TNFRSF8: variants seen among roughly 807,000 people sequenced by gnomAD.
TNFRSF8 encodes TNF receptor superfamily member 8.
TNFRSF8 carries 26 observed loss-of-function variants against 70.8 expected under a neutral mutation model. The observed-to-expected ratio is 0.37, with a 90% CI of 0.27 to 0.51. The LOEUF (loss-of-function observed/expected upper bound fraction) is 0.51. Among genes scored for constraint, TNFRSF8 ranks in the 20% least tolerant of loss-of-function variants. The probability of loss-of-function intolerance (pLI) is 0.94; values close to 1 mark genes in which losing one functional copy is unlikely to be tolerated. For missense variants in TNFRSF8, 720 were observed against 807.9 expected, an observed-to-expected ratio of 0.89 and a Z score of 1.32; for synonymous variants, 356 against 339.2, an observed-to-expected ratio of 1.05 and a Z score of -0.54.
rs985722560 is a variant in TNFRSF8 at position 12,141,327 on chromosome 1, T to C, written c.1544-960T>C. ...CCAGCCCACCCTGAGCCAGACACCA[T>C]CAGCTGGGCGGAGGCCAGGCTTCCC... On this transcript the variant is annotated intron_variant, in intron 14 of 14. Coordinates refer to ENST00000263932, the MANE Select transcript of TNFRSF8 (RefSeq NM_001243.5). The surrounding 1 kb of genome is among the most constrained non-coding windows in gnomAD (Gnocchi z 5.4). Among the ~76,000 whole-genome samples, 1 of 150,456 alleles carries C rather than the reference T, an allele frequency of 6.6e-6. No individual in the cohort carries two copies. Among genetic ancestry groups the C allele is most frequent in the African/African-American group, 2.4e-5 (1 of 40,972 alleles).
intron 1 of TNFRSF8, among the ~76,000 whole-genome samples, chr1:12,081,311 A>G (rs1224634612): frequency 6.6e-6 from 1 of 152,080 alleles, no homozygotes; most frequent in Admixed American, 6.5e-5. Context: ...GAGACCAAGG[A>G]CAAGGACCCA....
At chr1:12,137,314 AAATAAT>A (rs199924980) in intron 13 of TNFRSF8, among the ~76,000 whole-genome samples, 4 of 99,962 alleles carry the variant, frequency 4.0e-5, no homozygotes, top group African/African-American at 7.4e-5. Flanking sequence ...AAAAAGTAAA[AAATAAT>A]AATAATAATA....
At chr1:12,124,986 G>GTTT (rs1358219241) in intron 10 of TNFRSF8, among the ~76,000 whole-genome samples, 1 of 152,152 alleles carries the variant, frequency 6.6e-6, no homozygotes, top group Non-Finnish European at 1.5e-5. Context: ...TCCGGCCAGA[G>GTTT]TTTCTGAAAG....
intron 7 of TNFRSF8, among the ~76,000 whole-genome samples, chr1:12,115,369 A>C (rs1557595846): frequency 6.6e-6 from 1 of 152,200 alleles, no homozygotes; most frequent in South Asian, 2.1e-4. Context: ...GACATACAGA[A>C]TACCCTCGCT....
At chr1:12,129,224 T>C (rs1642001599) in intron 12 of TNFRSF8, among the ~76,000 whole-genome samples, 1 of 152,220 alleles carries the variant, frequency 6.6e-6, no homozygotes, top group Non-Finnish European at 1.5e-5. Flanking sequence ...TCTTTTTTTG[T>C]TTTGAAACAG....
chr1:12,131,892 C>A (rs1424080345), intron 12 of TNFRSF8, among the ~76,000 whole-genome samples: 1 of 151,938 alleles, frequency 6.6e-6, no homozygotes, highest in Non-Finnish European at 1.5e-5. Context: ...TTCCCGGGTT[C>A]CAGCAATTCT....
intron 1 of TNFRSF8, among the ~76,000 whole-genome samples, chr1:12,081,127 C>G (rs1456518922): frequency 6.6e-6 from 1 of 152,176 alleles, no homozygotes; most frequent in African/African-American, 2.4e-5. Flanking sequence ...ATGGGCTCCC[C>G]ATTCTCTGCA....
At chr1:12,065,266 A>G (rs1640718667) in intron 1 of TNFRSF8, among the ~76,000 whole-genome samples, 1 of 151,916 alleles carries the variant, frequency 6.6e-6, no homozygotes, top group Non-Finnish European at 1.5e-5. Flanking sequence ...TATTTTTAGT[A>G]AAGATGAGGT....
intron 10 of TNFRSF8, among the ~76,000 whole-genome samples, chr1:12,124,870 AAACAAAAC>A (rs1413406401): frequency 2.0e-5 from 3 of 146,918 alleles, no homozygotes; most frequent in Non-Finnish European, 4.5e-5. Flanking sequence ...AAACAAAACA[AAACAAAAC>A]AAACAAAACC....
In TNFRSF8 at chr1:12,142,486, G is replaced by A. The variant is rs1278974081; in HGVS notation, c.1743G>A (p.Glu581=). The A allele has an allele frequency of 1.9e-6, 3 of 1,599,296 alleles. No homozygotes were observed. The highest frequency in any genetic ancestry group is 1.7e-5 in the Admixed American group (1 of 57,584). ...GCGATGTCATGCTCTCAGTGGAAGA[G>A]GAAGGGAAAGAAGACCCCTTGCCCA... The part of the protein sequence containing the change: ...SCSDVMLSVE[E]EGKEDPLPTA... Residue 581 remains glutamate, a synonymous_variant, in exon 15 of 15, where the codon GAG becomes GAA. Coordinates refer to ENST00000263932, the MANE Select transcript of TNFRSF8 (RefSeq NM_001243.5). The surrounding 1 kb of genome is among the most constrained non-coding windows in gnomAD (Gnocchi z 5.0).
Position 12,111,931 on chromosome 1 carries a change from C to T in TNFRSF8, c.710C>T (p.Ser237Phe). The change falls in exon 7 of 15, where the codon TCT becomes TTT. Residue 237 changes from serine to phenylalanine, a missense_variant. By Grantham distance (155) the Ser-to-Phe change is radical. Transcript: ENST00000263932. ...LSPTQPCPEGSGDCRKQCEPD... is the reference protein window; with the variant it reads ...LSPTQPCPEGFGDCRKQCEPD... ...CCAACACAGCCATGCCCAGAGGGGT[C>T]TGGTGATTGCAGAAAGCAGTGTGAG... 2 of 1,614,212 alleles carry T rather than the reference C, an allele frequency of 1.2e-6. No individual in the cohort carries two copies. The highest frequency in any genetic ancestry group is 2.2e-5 in the South Asian group (2 of 91,082).
rs890986858 is a variant in TNFRSF8 at position 12,063,958 on chromosome 1, G to T, written c.63+297G>T. Among the ~76,000 whole-genome samples, 3 of 152,220 alleles carry T rather than the reference G, an allele frequency of 2.0e-5. No homozygotes were observed. The highest frequency in any genetic ancestry group is 7.2e-5 in the African/African-American group (3 of 41,474). Reference sequence around the variant, plus strand: ...ATACGCGGGAGGCGCTCTTTAGCCCGCCTACCTGCGGGCCCGTCGGGGTCC... The same window carrying T: ...ATACGCGGGAGGCGCTCTTTAGCCCTCCTACCTGCGGGCCCGTCGGGGTCC... On this transcript the variant is annotated intron_variant, in intron 1 of 14. Coordinates refer to ENST00000263932, the MANE Select transcript of TNFRSF8 (RefSeq NM_001243.5). This position sits in a 1 kb window ranked among gnomAD's most constrained non-coding sequence, Gnocchi z 7.2.
Position 12,126,043 on chromosome 1 carries a change from A to C in TNFRSF8, c.1246A>C (p.Ile416Leu). ...CCACCGGAGGGCCTGCAGGAAGCGA[A>C]TTCGGCAGAGTAAGTGGCTGTGTCC... ...LCHRRACRKRIRQKLHLCYPV... is the reference protein window; with the variant it reads ...LCHRRACRKRLRQKLHLCYPV... Residue 416 changes from isoleucine to leucine, a missense_variant, in exon 11 of 15, where the codon ATT (isoleucine) becomes CTT (leucine). Transcript: ENST00000263932. 1 of 1,614,126 alleles carries C rather than the reference A, an allele frequency of 6.2e-7. No homozygotes were observed. Among genetic ancestry groups the C allele is most frequent in the Non-Finnish European group, 8.5e-7 (1 of 1,180,004 alleles).
chr1:12,105,527 C>CCTCT (rs36180612), intron 4 of TNFRSF8, among the ~76,000 whole-genome samples: 9,410 of 145,896 alleles, frequency 0.064, 342 homozygotes, highest in Non-Finnish European at 0.081. Flanking sequence ...TGAATCTGAT[C>CCTCT]CTCTCTCTCT....
chr1:12,073,885 C>T (rs920962060), intron 1 of TNFRSF8, among the ~76,000 whole-genome samples: 1 of 152,010 alleles, frequency 6.6e-6, no homozygotes, highest in African/African-American at 2.4e-5. Context: ...TGGGAGCCAC[C>T]GCACCCAGCC....
chr1:12,132,249 C>T (rs7551317), intron 12 of TNFRSF8, among the ~76,000 whole-genome samples: 6,566 of 152,314 alleles, frequency 0.043, 402 homozygotes, highest in East Asian at 0.26. Flanking sequence ...GGATTACAAA[C>T]GAAAGCCCAC....
intron 2 of TNFRSF8, among the ~76,000 whole-genome samples, chr1:12,085,044 T>A (rs11569825): frequency 0.018 from 2,707 of 152,308 alleles, 253 homozygotes; most frequent in Admixed American, 0.15. Context: ...GCTGTCAACA[T>A]CCTCTGACCA....
At chr1:12,081,826 G>A (rs1026912445) in intron 1 of TNFRSF8, among the ~76,000 whole-genome samples, 1 of 152,150 alleles carries the variant, frequency 6.6e-6, no homozygotes, top group African/African-American at 2.4e-5. Flanking sequence ...GGGAAAAGTG[G>A]CTTCTGCTTC....
intron 2 of TNFRSF8, among the ~76,000 whole-genome samples, chr1:12,093,305 G>T (rs1442942230): frequency 6.6e-6 from 1 of 152,126 alleles, no homozygotes; most frequent in Non-Finnish European, 1.5e-5. Flanking sequence ...TGTATGAGGG[G>T]TGTTAGAGAA....
Sources: allele counts gnomAD v4.1 joint callset (sites outside exome capture counted in the v4.1 genomes callset), GRCh38; gene constraint gnomAD v4.1.1; non-coding constraint Gnocchi (gnomAD v3.1); transcripts MANE v1.5; gene names NCBI Gene and HGNC (gene_info 2026-07-23, HGNC 2026-07-21).